The following ITGA8 variants were observed in gnomAD, a reference collection of about 807,000 sequenced individuals.
ITGA8 encodes integrin alpha-8.
A neutral mutation model predicts 142.3 loss-of-function variants in ITGA8; 91 were observed. The ratio of observed to expected loss-of-function variants is 0.64; its 90% confidence interval spans 0.54 to 0.76. The LOEUF is 0.76. Among genes scored for constraint, ITGA8 ranks in the 30% least tolerant of loss-of-function variants. The pLI is 0.00. For missense variants in ITGA8, 1,406 were observed against 1,327.7 expected (o/e 1.06, Z -0.92); for synonymous variants, 505 against 485.2 (o/e 1.04, Z -0.54).
At chr10:15,575,838 G>A (rs186754739) in intron 23 of ITGA8, among the ~76,000 whole-genome samples, 1 of 152,136 alleles carries the variant, frequency 6.6e-6, no homozygotes, top group African/African-American at 2.4e-5. Context: ...ATCTCATCTC[G>A]TGGGCACTAA....
chr10:15,639,687 C>G (rs572655974), intron 13 of ITGA8, among the ~76,000 whole-genome samples: 2 of 152,348 alleles, frequency 1.3e-5, no homozygotes, highest in South Asian at 4.1e-4. Flanking sequence ...AAACACTGCT[C>G]TAGAGGACTC....
chr10:15,655,945 G>A (rs983525421), intron 10 of ITGA8, among the ~76,000 whole-genome samples: 1 of 152,140 alleles, frequency 6.6e-6, no homozygotes, highest in Admixed American at 6.5e-5. Flanking sequence ...AGAATTAGCA[G>A]GGCATGGTGG....
intron 27 of ITGA8, among the ~76,000 whole-genome samples, chr10:15,546,548 A>G (rs1833672731): frequency 6.6e-6 from 1 of 152,198 alleles, no homozygotes; most frequent in Non-Finnish European, 1.5e-5. Context: ...GGGTGCTACC[A>G]GCACCTACTA....
chr10:15,557,424 A>G (rs1406197371), intron 26 of ITGA8, among the ~76,000 whole-genome samples: 3 of 152,196 alleles, frequency 2.0e-5, no homozygotes, highest in African/African-American at 4.8e-5. Context: ...TGAAGATAGT[A>G]TTGCTAAGGG....
At chr10:15,645,723 A>G (rs1833970027) in intron 12 of ITGA8, among the ~76,000 whole-genome samples, 1 of 152,214 alleles carries the variant, frequency 6.6e-6, no homozygotes, top group Admixed American at 6.5e-5. Context: ...CCTTGAGTTC[A>G]ATCAAGAAAT....
chr10:15,595,192 G>A (rs1298175921), intron 21 of ITGA8, among the ~76,000 whole-genome samples: 2 of 151,866 alleles, frequency 1.3e-5, no homozygotes, highest in Non-Finnish European at 2.9e-5. Flanking sequence ...TTTTTTTTAA[G>A]TTAAAATACC....
At chr10:15,693,483 T>G (rs1438750735) in intron 2 of ITGA8, among the ~76,000 whole-genome samples, 2 of 152,226 alleles carry the variant, frequency 1.3e-5, no homozygotes, top group African/African-American at 4.8e-5. Flanking sequence ...CTTATGCTTT[T>G]GATGTTTCCA....
At chr10:15,680,489 C>G (rs1834717516) in intron 4 of ITGA8, among the ~76,000 whole-genome samples, 1 of 151,964 alleles carries the variant, frequency 6.6e-6, no homozygotes. Context: ...TCTCTATAAT[C>G]TGGAATATCT....
chr10:15,644,481 T>C (rs1564388997), intron 12 of ITGA8, among the ~76,000 whole-genome samples: 9 of 22,314 alleles, frequency 4.0e-4, no homozygotes, highest in Non-Finnish European at 9.2e-4. Flanking sequence ...TATATATATA[T>C]ATATATATAT....
intron 6 of ITGA8, among the ~76,000 whole-genome samples, chr10:15,675,016 A>T (rs1834600778): frequency 6.6e-6 from 1 of 151,972 alleles, no homozygotes. Context: ...TTCTTCCATT[A>T]AAAAAATTCC....
chr10:15,692,319 T>C (rs1834951551), intron 2 of ITGA8, among the ~76,000 whole-genome samples: 1 of 152,184 alleles, frequency 6.6e-6, no homozygotes, highest in Non-Finnish European at 1.5e-5. Context: ...TCTAAGAGCA[T>C]GACTCCCATT....
intron 2 of ITGA8, among the ~76,000 whole-genome samples, chr10:15,703,479 C>T (rs896078321): frequency 4.6e-5 from 7 of 152,058 alleles, no homozygotes; most frequent in Non-Finnish European, 1.0e-4. Flanking sequence ...TTATACGATG[C>T]AAATAATATT....
intron 13 of ITGA8, among the ~76,000 whole-genome samples, chr10:15,617,215 T>C (rs1022946620): frequency 6.6e-6 from 1 of 152,210 alleles, no homozygotes; most frequent in Non-Finnish European, 1.5e-5. Flanking sequence ...AGGTCTTTAT[T>C]ATTAGCACAA....
At chr10:15,527,202 A>G (rs2131537725) in intron 28 of ITGA8, among the ~76,000 whole-genome samples, 1 of 152,358 alleles carries the variant, frequency 6.6e-6, no homozygotes, top group Middle Eastern at 3.4e-3. Flanking sequence ...CTTATGAGAC[A>G]AGCAGTTCCC....
chr10:15,564,841 T>G (rs763929133), intron 25 of ITGA8, among the ~76,000 whole-genome samples: 4 of 152,268 alleles, frequency 2.6e-5, no homozygotes, highest in African/African-American at 9.6e-5. Context: ...ACAACTCTCA[T>G]GTACTTTGCC....
intron 13 of ITGA8, among the ~76,000 whole-genome samples, chr10:15,630,285 A>G (rs1327892259): frequency 3.3e-5 from 5 of 152,136 alleles, no homozygotes; most frequent in Non-Finnish European, 7.3e-5. Flanking sequence ...AACAATTTAT[A>G]TACAAGGTGT....
intron 8 of ITGA8, among the ~76,000 whole-genome samples, chr10:15,668,024 G>A (rs1309058233): frequency 6.6e-6 from 1 of 152,212 alleles, no homozygotes; most frequent in Non-Finnish European, 1.5e-5. Flanking sequence ...TTCTGTAGAT[G>A]TCTATTAGGT....
At chr10:15,703,972 T>A (rs376737129) in intron 2 of ITGA8, among the ~76,000 whole-genome samples, 2 of 152,186 alleles carry the variant, frequency 1.3e-5, no homozygotes, top group Non-Finnish European at 2.9e-5. Flanking sequence ...TACTATCTCA[T>A]CAAAGTTGAA....
intron 2 of ITGA8, among the ~76,000 whole-genome samples, chr10:15,697,483 T>C (rs1835079034): frequency 6.6e-6 from 1 of 152,226 alleles, no homozygotes; most frequent in Admixed American, 6.5e-5. Context: ...TTTCTGGCCA[T>C]TTGAAAAATA....
Sources: allele counts gnomAD v4.1 joint callset (sites outside exome capture counted in the v4.1 genomes callset), GRCh38; gene constraint gnomAD v4.1.1; transcripts MANE v1.5; gene names NCBI Gene and HGNC (gene_info 2026-07-23, HGNC 2026-07-21).